The following PRMT8 variants were observed in gnomAD, a reference collection of about 807,000 sequenced individuals.
The protein encoded by PRMT8 is protein arginine N-methyltransferase 8.
PRMT8 carries 7 observed loss-of-function variants against 47.1 expected under a neutral mutation model. That is an observed-to-expected ratio of 0.15 (90% confidence interval 0.08 to 0.28). The LOEUF is 0.28. Among genes scored for constraint, PRMT8 ranks in the 10% least tolerant of loss-of-function variants. The pLI is 1.00. For missense variants in PRMT8, 237 were observed against 505.4 expected (o/e 0.47, Z 5.09); for synonymous variants, 188 against 186.5 (o/e 1.01, Z -0.07).
At chr12:3,573,258 T>C (rs1338012221) in intron 6 of PRMT8, among the ~76,000 whole-genome samples, 1 of 152,230 alleles carries the variant, frequency 6.6e-6, no homozygotes, top group Non-Finnish European at 1.5e-5. Flanking sequence ...ATATATTCAT[T>C]CTGTTAATAA....
intron 1 of PRMT8, among the ~76,000 whole-genome samples, chr12:3,505,091 G>A (rs1252887962): frequency 4.2e-5 from 6 of 143,338 alleles, no homozygotes; most frequent in South Asian, 2.5e-4. Flanking sequence ...ACTGGCCTGC[G>A]CCCACTGTCT....
chr12:3,424,442 A>C (rs945551930), intron 1 of PRMT8, among the ~76,000 whole-genome samples: 58 of 152,170 alleles, frequency 3.8e-4, no homozygotes, highest in African/African-American at 1.3e-3. Context: ...AAATGTACTT[A>C]TTTTCGGTCA....
upstream of PRMT8, among the ~76,000 whole-genome samples, chr12:3,486,809 C>T (rs1449226037): frequency 6.6e-6 from 1 of 152,136 alleles, no homozygotes; most frequent in Non-Finnish European, 1.5e-5. Context: ...ATTGTTAAAG[C>T]AAATAGTATC....
At chr12:3,546,079 G>A (rs533732634) in intron 2 of PRMT8, among the ~76,000 whole-genome samples, 33 of 152,212 alleles carry the variant, frequency 2.2e-4, no homozygotes, top group Non-Finnish European at 2.1e-4. Flanking sequence ...AAAGTAGGCA[G>A]CACTCTGCTA....
At chr12:3,484,857 A>C (rs368826875) in intron 1 of PRMT8, among the ~76,000 whole-genome samples, 1 of 152,224 alleles carries the variant, frequency 6.6e-6, no homozygotes, top group East Asian at 1.9e-4. Context: ...GTCTGAATAC[A>C]GAAAATGTTG....
intron 1 of PRMT8, among the ~76,000 whole-genome samples, chr12:3,497,518 T>C (rs1291992603): frequency 6.6e-6 from 1 of 152,234 alleles, no homozygotes; most frequent in East Asian, 1.9e-4. Context: ...TACCTTTTCA[T>C]TTGGGGTTGT....
At chr12:3,392,792 C>T (rs1434290045) in intron 1 of PRMT8, among the ~76,000 whole-genome samples, 3 of 151,764 alleles carry the variant, frequency 2.0e-5, no homozygotes, top group Admixed American at 1.3e-4. Flanking sequence ...GCCACACTGA[C>T]TTCCACAATG....
Position 3,557,218 on chromosome 12 carries a change from T to G in PRMT8, c.481+3504T>G, listed in dbSNP as rs565040410. On this transcript the variant is annotated intron_variant, in intron 4 of 9. Coordinates refer to ENST00000382622, the MANE Select transcript of PRMT8 (RefSeq NM_019854.5). The surrounding 1 kb of genome is among the most constrained non-coding windows in gnomAD (Gnocchi z 4.7). ...TCAGTGAGTCCCATCCTTGCTGTTGTGTGATCTTTCTCTTACCACTCTCAG... is the reference window on the plus strand; with the variant it reads ...TCAGTGAGTCCCATCCTTGCTGTTGGGTGATCTTTCTCTTACCACTCTCAG... Among the ~76,000 whole-genome samples, 2 of 152,206 alleles carry G rather than the reference T, an allele frequency of 1.3e-5. No homozygotes were observed. The highest frequency in any genetic ancestry group is 1.3e-4 in the Admixed American group (2 of 15,302).
At chr12:3,420,542 G>A (rs192344359) in intron 1 of PRMT8, among the ~76,000 whole-genome samples, 1 of 152,272 alleles carries the variant, frequency 6.6e-6, no homozygotes, top group Non-Finnish European at 1.5e-5. Flanking sequence ...AGAGAGTTAG[G>A]TGTTCATGTC....
intron 1 of PRMT8, among the ~76,000 whole-genome samples, chr12:3,425,215 A>G (rs1259031931): frequency 2.0e-5 from 3 of 152,208 alleles, no homozygotes; most frequent in African/African-American, 7.2e-5. Context: ...TTAGTCTAGT[A>G]CTTGTTAGCC....
intron 1 of PRMT8, among the ~76,000 whole-genome samples, chr12:3,468,789 G>A (rs1865131765): frequency 6.6e-6 from 1 of 152,218 alleles, no homozygotes; most frequent in African/African-American, 2.4e-5. Context: ...TGAAACACCT[G>A]AAATAAAAGT....
At chr12:3,420,807 T>G (rs11836893) in intron 1 of PRMT8, among the ~76,000 whole-genome samples, 21,854 of 152,236 alleles carry the variant, frequency 0.14, 1,872 homozygotes, top group South Asian at 0.22. Flanking sequence ...TTTCTGTGGA[T>G]AGATGAAATC....
intron 1 of PRMT8, among the ~76,000 whole-genome samples, chr12:3,443,403 G>A (rs528490307): frequency 6.6e-6 from 1 of 152,156 alleles, no homozygotes; most frequent in South Asian, 2.1e-4. Flanking sequence ...CATTTGCCCA[G>A]TGTTGCTTAA....
At chr12:3,448,177 A>G (rs1482890570) in intron 1 of PRMT8, among the ~76,000 whole-genome samples, 1 of 152,008 alleles carries the variant, frequency 6.6e-6, no homozygotes, top group Non-Finnish European at 1.5e-5. Context: ...TTTCTTTTTT[A>G]AATTTTTTGT....
At chr12:3,394,288 C>T (rs1015602745) in intron 1 of PRMT8, among the ~76,000 whole-genome samples, 83 of 152,234 alleles carry the variant, frequency 5.5e-4, no homozygotes, top group African/African-American at 1.9e-3. Flanking sequence ...TGTGTTGTGC[C>T]GGTTTTCAAA....
intron 8 of PRMT8, among the ~76,000 whole-genome samples, chr12:3,589,275 A>G (rs1867248731): frequency 6.6e-6 from 1 of 152,184 alleles, no homozygotes; most frequent in Non-Finnish European, 1.5e-5. Flanking sequence ...AGGAGGTTTG[A>G]TCACCCTTAG....
intron 1 of PRMT8, among the ~76,000 whole-genome samples, chr12:3,477,982 C>T (rs926683900): frequency 2.6e-5 from 4 of 152,108 alleles, no homozygotes; most frequent in African/African-American, 9.7e-5. Context: ...TAACTGCTGG[C>T]TAGGGGAGGA....
At chr12:3,430,646 A>C (rs2137067885) in intron 1 of PRMT8, among the ~76,000 whole-genome samples, 1 of 152,340 alleles carries the variant, frequency 6.6e-6, no homozygotes, top group East Asian at 1.9e-4. Flanking sequence ...GTTTCACATC[A>C]CTTAATTGTA....
At chr12:3,464,420 C>T (rs1045945280) in intron 1 of PRMT8, among the ~76,000 whole-genome samples, 1 of 152,106 alleles carries the variant, frequency 6.6e-6, no homozygotes, top group African/African-American at 2.4e-5. Context: ...ATAATTTGAG[C>T]TTCATGTTTA....
Sources: allele counts gnomAD v4.1 joint callset (sites outside exome capture counted in the v4.1 genomes callset), GRCh38; gene constraint gnomAD v4.1.1; non-coding constraint Gnocchi (gnomAD v3.1); transcripts MANE v1.5; gene names NCBI Gene and HGNC (gene_info 2026-07-23, HGNC 2026-07-21).